Variants in RTN4RL1 observed in about 807,000 individuals in gnomAD.
The protein encoded by RTN4RL1 is reticulon 4 receptor like 1.
Under a neutral mutation model 25.6 loss-of-function variants are expected in RTN4RL1, and 7 were observed. The ratio of observed to expected loss-of-function variants is 0.27; its 90% CI spans 0.16 to 0.51. The LOEUF (loss-of-function observed/expected upper bound fraction) is 0.51. Among genes scored for constraint, RTN4RL1 ranks in the 20% least tolerant of loss-of-function variants. The probability of loss-of-function intolerance (pLI) is 0.97; values close to 1 mark genes in which losing one functional copy is unlikely to be tolerated. For synonymous variants in RTN4RL1, 297 were observed against 288.2 expected, an observed-to-expected ratio of 1.03 and a Z score of -0.31; for missense variants, 500 against 615.6, an observed-to-expected ratio of 0.81 and a Z score of 1.99.
At chr17:2,024,760 C>T in intron 1 of RTN4RL1, 93 bp downstream of exon 1, 2 of 1,358,608 alleles carry the variant, frequency 1.5e-6, no homozygotes, top group South Asian at 1.3e-5. Flanking sequence ...GGCTACTTCC[C>T]AGACCGGGAG....
chr17:2,018,155 A>T (rs2067150994), intron 1 of RTN4RL1: 1 of 152,518 alleles, frequency 6.6e-6, no homozygotes, highest in Non-Finnish European at 1.5e-5. Context: ...TGGTGGAGCC[A>T]GTGTGTTCCG....
intron 1 of RTN4RL1, among the ~76,000 whole-genome samples, chr17:1,953,592 G>A (rs1038619500): frequency 1.3e-5 from 2 of 151,912 alleles, no homozygotes; most frequent in African/African-American, 4.8e-5. Flanking sequence ...TTGAGACAGA[G>A]TCTCACTCTG....
intron 1 of RTN4RL1, among the ~76,000 whole-genome samples, chr17:1,982,249 TGAG>T (rs1466810950): frequency 6.6e-6 from 1 of 151,080 alleles, no homozygotes; most frequent in Non-Finnish European, 1.5e-5. Flanking sequence ...TGCAGTGAGC[TGAG>T]ATCACGCCAC....
At position 2,008,385 on chromosome 17, in the gene RTN4RL1, A is replaced by G. The variant is rs575559314; in HGVS notation, c.13+16468T>C. On this transcript the variant is annotated intron_variant, in intron 1 of 1. Coordinates refer to ENST00000331238, the MANE Select transcript of RTN4RL1 (RefSeq NM_178568.4). ...AATTACCAACATAGAAAGGTGTTTG[A>G]GAAATACTGTTAATTAAACGAGACG... is the stretch of plus-strand genomic sequence containing the variant. 1.2e-4 allele frequency among the ~76,000 whole-genome samples: 19 copies of G among 152,292 alleles called. No individual in the cohort carries two copies. In the South Asian group the frequency reaches 2.7e-3, roughly 22 times the overall value.
chr17:1,939,415 C>T (rs894990506), intron 1 of RTN4RL1, among the ~76,000 whole-genome samples: 2 of 151,894 alleles, frequency 1.3e-5, no homozygotes, highest in Non-Finnish European at 2.9e-5. Context: ...TAGCAGTTCT[C>T]CCTGGCAGAG....
intron 1 of RTN4RL1, chr17:2,018,849 A>G (rs2151330350): frequency 6.6e-6 from 1 of 152,574 alleles, no homozygotes; most frequent in East Asian, 1.9e-4. Context: ...GTGCTCAGTA[A>G]ACACAAGCGG....
At chr17:2,016,310 G>A (rs962974271) in intron 1 of RTN4RL1, among the ~76,000 whole-genome samples, 5 of 152,134 alleles carry the variant, frequency 3.3e-5, no homozygotes, top group African/African-American at 1.2e-4. Flanking sequence ...GAACCCAGGA[G>A]GCAGAATTTG....
chr17:1,974,810 T>C (rs373007086), intron 1 of RTN4RL1, among the ~76,000 whole-genome samples: 19 of 152,316 alleles, frequency 1.2e-4, no homozygotes, highest in African/African-American at 4.3e-4. Context: ...TCCCATCGGC[T>C]GAACCTGAAG....
chr17:2,023,198 C>T (rs1295965003), intron 1 of RTN4RL1, among the ~76,000 whole-genome samples: 1 of 152,172 alleles, frequency 6.6e-6, no homozygotes, highest in Non-Finnish European at 1.5e-5. Flanking sequence ...CCTTCTCGAC[C>T]GGGGCAAGTT....
intron 1 of RTN4RL1, among the ~76,000 whole-genome samples, chr17:1,993,734 C>T (rs902887608): frequency 3.3e-5 from 5 of 151,534 alleles, no homozygotes; most frequent in Non-Finnish European, 7.4e-5. Flanking sequence ...GGAACTTCCT[C>T]GTGAGAAAAC....
At chr17:2,021,640 C>T (rs933201189) in intron 1 of RTN4RL1, among the ~76,000 whole-genome samples, 26 of 149,912 alleles carry the variant, frequency 1.7e-4, no homozygotes, top group Admixed American at 6.7e-4. Flanking sequence ...CTGTAACCTC[C>T]GCCTCCCGGG....
At chr17:1,958,336 A>C (rs1915830652) in intron 1 of RTN4RL1, among the ~76,000 whole-genome samples, 1 of 152,178 alleles carries the variant, frequency 6.6e-6, no homozygotes, top group African/African-American at 2.4e-5. Flanking sequence ...CCCCTCTCCC[A>C]GCATCGGCCC....
chr17:1,943,349 T>A (rs1026173511), intron 1 of RTN4RL1, among the ~76,000 whole-genome samples: 3 of 152,158 alleles, frequency 2.0e-5, no homozygotes, highest in Admixed American at 1.3e-4. Flanking sequence ...TGGTTGGCCC[T>A]CATAGGCCCC....
In RTN4RL1 at chr17:1,936,799, G is replaced by T; in HGVS notation, c.1023C>A (p.His341Gln). ...TGTGGCCGGGCCGGGGGCCGTGCGG[G>T]TGGCCCTTGCTCCTGGTGGGGCCGT... ...SPHGPTRSKG[H>Q]PHGPRPGHRK... Residue 341 changes from histidine to glutamine, a missense_variant, in exon 2 of 2, where the codon CAC (histidine) becomes CAA (glutamine). Coordinates refer to ENST00000331238, the MANE Select transcript of RTN4RL1 (RefSeq NM_178568.4). The T allele has an allele frequency of 6.3e-7, 1 of 1,585,768 alleles. No homozygotes were observed.
intron 1 of RTN4RL1, chr17:2,019,253 G>C (rs2067168441): frequency 2.0e-5 from 3 of 152,306 alleles, no homozygotes; most frequent in African/African-American, 7.2e-5. Flanking sequence ...CCTGGCTTCT[G>C]CCGTCCCTGG....
At chr17:1,979,327 A>T (rs944948296) in intron 1 of RTN4RL1, among the ~76,000 whole-genome samples, 1 of 151,774 alleles carries the variant, frequency 6.6e-6, no homozygotes, top group African/African-American at 2.4e-5. Context: ...AATACAAAAA[A>T]TTACCCAGGC....
intron 1 of RTN4RL1, among the ~76,000 whole-genome samples, chr17:1,954,346 C>A (rs1597492781): frequency 2.0e-5 from 3 of 151,414 alleles, no homozygotes; most frequent in Admixed American, 2.0e-4. Context: ...CTCTTCCTTT[C>A]CTTTCCTTTC....
chr17:1,976,287 A>C (rs531463389), intron 1 of RTN4RL1, among the ~76,000 whole-genome samples: 1 of 152,334 alleles, frequency 6.6e-6, no homozygotes, highest in African/African-American at 2.4e-5. Flanking sequence ...CTAGAAGGTC[A>C]AGGTTCCAGA....
chr17:1,936,140 A>C lies in RTN4RL1; in HGVS notation c.*356T>G. 2 of 1,068,128 alleles carry C rather than the reference A, an allele frequency of 1.9e-6. No individual in the cohort carries two copies. Among genetic ancestry groups the C allele is most frequent in the East Asian group, 7.2e-5 (1 of 13,966 alleles). The allele number at this position is 1,068,128 out of a possible 1,614,324, so 66.2% of individuals were successfully genotyped here. On this transcript the variant is annotated 3_prime_UTR_variant, in exon 2 of 2. Coordinates refer to ENST00000331238, the MANE Select transcript of RTN4RL1 (RefSeq NM_178568.4). The stretch of plus-strand genomic sequence containing the variant: ...CACGGGGCCCTCCAGACCTCTCGGA[A>C]CGATCGGGATTCCACAGAGCCCCGG...
Sources: gnomAD v4.1 joint callset for allele counts (sites outside exome capture counted in the v4.1 genomes callset) on GRCh38, gnomAD v4.1.1 for gene constraint, MANE v1.5 for transcripts, NCBI Gene and HGNC (gene_info 2026-07-23, HGNC 2026-07-21) for gene names.